HAO2: variants seen among roughly 807,000 people sequenced by gnomAD.
HAO2 encodes 2-Hydroxyacid oxidase 2.
Under a neutral mutation model 37.4 loss-of-function variants are expected in HAO2, and 42 were observed. The observed-to-expected ratio is 1.12, with a 90% CI of 0.88 to 1.45. The LOEUF is 1.45. Among genes scored for constraint, HAO2 ranks in the 40% most tolerant of loss-of-function variants. The pLI is 0.00. For missense variants in HAO2, 476 were observed against 430.2 expected (o/e 1.11, Z -0.94); for synonymous variants, 180 against 162.8 (o/e 1.11, Z -0.81).
At chr1:119,385,709 A>T (rs1184814854) in intron 4 of HAO2, 357 of 985,296 alleles carry the variant, frequency 3.6e-4, no homozygotes, top group Non-Finnish European at 4.2e-4. Flanking sequence ...TAAAGTGGGA[A>T]TCCCTGGCTA....
intron 4 of HAO2, chr1:119,385,593 G>A: frequency 7.1e-6 from 7 of 984,554 alleles, no homozygotes; most frequent in Non-Finnish European, 8.4e-6. Flanking sequence ...GGATGCTATA[G>A]CACATTTGTT....
chr1:119,384,547 G>A (rs960489839), intron 3 of HAO2, among the ~76,000 whole-genome samples: 3 of 152,152 alleles, frequency 2.0e-5, no homozygotes, highest in African/African-American at 7.2e-5. Context: ...TTTTGTTATC[G>A]AGTAGAGGGT....
At chr1:119,385,622 T>C (rs913740322) in intron 4 of HAO2, 8 of 985,086 alleles carry the variant, frequency 8.1e-6, no homozygotes, top group Non-Finnish European at 8.4e-6. Context: ...CTGAACTAGG[T>C]GACTACAAAG....
At position 119,386,896 on chromosome 1, in the gene HAO2, C is replaced by T. The variant is rs754511050; in HGVS notation, c.771+65C>T. 6 of 960,836 alleles carry T rather than the reference C, an allele frequency of 6.2e-6. No individual in the cohort carries two copies. In the African/African-American group the frequency reaches 9.6e-5, roughly 15 times the overall value. The allele number at this position is 960,836 out of a possible 1,614,324, so 59.5% of individuals were successfully genotyped here. ...GCTGTGTGTGTATGTGTGAGTGTGT[C>T]CACATCAAGGGACTCTGTGAAATCT... On this transcript the variant is annotated intron_variant, in intron 5 of 7. Transcript: ENST00000325945.
intron 1 of HAO2, among the ~76,000 whole-genome samples, chr1:119,376,985 G>A (rs1272149512): frequency 2.0e-5 from 3 of 152,160 alleles, no homozygotes; most frequent in Admixed American, 6.5e-5. Context: ...TTGGCTCCTC[G>A]TTACATATGC....
intron 1 of HAO2, chr1:119,370,109 C>T (rs149202510): frequency 8.5e-5 from 13 of 152,198 alleles, no homozygotes; most frequent in Middle Eastern, 3.4e-3. Flanking sequence ...GATGGAGGAT[C>T]GCTGTAGAGG....
At chr1:119,387,108 T>C (rs1650454440) in intron 5 of HAO2, among the ~76,000 whole-genome samples, 1 of 152,204 alleles carries the variant, frequency 6.6e-6, no homozygotes, top group African/African-American at 2.4e-5. Flanking sequence ...ATGGGGATAC[T>C]GTAGTTTAGT....
At chr1:119,375,125 A>C (rs1649343582) in intron 1 of HAO2, among the ~76,000 whole-genome samples, 1 of 152,158 alleles carries the variant, frequency 6.6e-6, no homozygotes. Flanking sequence ...GGGCAGTAGG[A>C]ATAAAAAAGG....
chr1:119,374,130 C>T (rs1273144281), intron 1 of HAO2, among the ~76,000 whole-genome samples: 1 of 152,200 alleles, frequency 6.6e-6, no homozygotes, highest in East Asian at 1.9e-4. Context: ...ACCTGCTGTT[C>T]CTGGGCATCC....
At chr1:119,388,244 G>A (rs1650548606) in intron 5 of HAO2, among the ~76,000 whole-genome samples, 1 of 152,128 alleles carries the variant, frequency 6.6e-6, no homozygotes, top group Non-Finnish European at 1.5e-5. Context: ...TGCCTAAATA[G>A]GAGCAGAAGG....
At position 119,393,809 on chromosome 1, in the gene HAO2, A is replaced by G. The variant is rs201316345; in HGVS notation, c.1025A>G (p.Asn342Ser). Reference sequence around the variant, plus strand: ...GGCTGCCGGTCGGTCGCTGAGATCAATCGAAACTTGGTCCAGTTTTCCAGG... The same window carrying G: ...GGCTGCCGGTCGGTCGCTGAGATCAGTCGAAACTTGGTCCAGTTTTCCAGG... ...LTGCRSVAEINRNLVQFSRL is the reference protein window; with the variant it reads ...LTGCRSVAEISRNLVQFSRL The change falls in exon 8 of 8, where the codon AAT (asparagine) becomes AGT (serine). Residue 342 changes from asparagine to serine, a missense_variant. By Grantham distance (46) the Asn-to-Ser change is conservative. Transcript: ENST00000325945. 30 of 1,613,220 alleles carry G rather than the reference A, an allele frequency of 1.9e-5. No individual in the cohort carries two copies. The highest frequency in any genetic ancestry group is 6.7e-5 in the African/African-American group (5 of 74,874).
chr1:119,391,216 T>G lies in HAO2; in HGVS notation c.772-894T>G, dbSNP rs770886683. Among the ~76,000 whole-genome samples the G allele has an allele frequency of 1.3e-5, 2 of 152,116 alleles. 1 individual carries two copies. Among genetic ancestry groups the G allele is most frequent in the African/African-American group, 4.8e-5 (2 of 41,424 alleles). On this transcript the variant is annotated intron_variant, in intron 5 of 7. Coordinates refer to ENST00000325945, the MANE Select transcript of HAO2 (RefSeq NM_016527.4). Reference sequence around the variant, plus strand: ...ATTCCTTTGGCAGCAGAAGGCCTCATAGGGCCCAGTTTTGACTCTTCTTCT... The same window carrying G: ...ATTCCTTTGGCAGCAGAAGGCCTCAGAGGGCCCAGTTTTGACTCTTCTTCT...
chr1:119,392,514 T>C, intron 6 of HAO2, 104 bp from the exon 7 acceptor site: 1 of 839,852 alleles, frequency 1.2e-6, no homozygotes, highest in Non-Finnish European at 2.1e-6. Context: ...ATAATCCCCA[T>C]CTTTCCCATT....
intron 5 of HAO2, among the ~76,000 whole-genome samples, chr1:119,388,326 C>G (rs1396290419): frequency 1.3e-5 from 2 of 152,140 alleles, no homozygotes; most frequent in Non-Finnish European, 2.9e-5. Flanking sequence ...TAATAAAATA[C>G]ATCATACAAT....
intron 5 of HAO2, 91 bp downstream of exon 5, chr1:119,386,922 G>A: frequency 1.2e-6 from 1 of 815,566 alleles, no homozygotes; most frequent in South Asian, 1.4e-5. Flanking sequence ...TGTGAAATCT[G>A]AGCATATTTC....
chr1:119,387,380 T>G (rs1267712180), intron 5 of HAO2, among the ~76,000 whole-genome samples: 1 of 152,182 alleles, frequency 6.6e-6, no homozygotes, highest in Non-Finnish European at 1.5e-5. Flanking sequence ...TTGTTGTTGA[T>G]TTGTTTTCAT....
intron 1 of HAO2, chr1:119,369,992 A>C (rs1386733640): frequency 6.6e-6 from 1 of 152,126 alleles, no homozygotes; most frequent in Non-Finnish European, 1.5e-5. Flanking sequence ...ACACATAAAT[A>C]TTTATTTCTT....
chr1:119,391,296 C>T (rs2101282039), intron 5 of HAO2, among the ~76,000 whole-genome samples: 1 of 152,220 alleles, frequency 6.6e-6, no homozygotes, highest in East Asian at 1.9e-4. Flanking sequence ...TCCAGAACTC[C>T]CTCCCCAAGG....
At chr1:119,385,832 T>C (rs1314128706) in intron 4 of HAO2, 2 of 985,098 alleles carry the variant, frequency 2.0e-6, no homozygotes, top group African/African-American at 1.7e-5. Flanking sequence ...TCCAAAATCC[T>C]TATTCAAATT....
Sources: gnomAD v4.1 joint callset for allele counts (sites outside exome capture counted in the v4.1 genomes callset) on GRCh38, gnomAD v4.1.1 for gene constraint, MANE v1.5 for transcripts, NCBI Gene and HGNC (gene_info 2026-07-23, HGNC 2026-07-21) for gene names.